The following ZCWPW1 variants were observed in gnomAD, a reference collection of about 807,000 sequenced individuals.
The protein encoded by ZCWPW1 is zinc finger CW-type PWWP domain protein 1.
ZCWPW1 carries 56 observed loss-of-function variants against 81.3 expected under a neutral mutation model. The observed-to-expected ratio is 0.69, with a 90% confidence interval of 0.56 to 0.86. ZCWPW1 has a LOEUF of 0.86. Ranked by LOEUF, ZCWPW1 falls within the 40% of genes least tolerant of loss-of-function variation. ZCWPW1 has a pLI of 0.00. For synonymous variants in ZCWPW1, 250 were observed against 273.7 expected (o/e 0.91, Z 0.86); for missense variants, 650 against 769.8 (o/e 0.84, Z 1.84).
At chr7:100,423,497 T>C (rs1796714324) in intron 2 of ZCWPW1, among the ~76,000 whole-genome samples, 1 of 152,222 alleles carries the variant, frequency 6.6e-6, no homozygotes, top group Non-Finnish European at 1.5e-5. Context: ...ACTGAGGTTT[T>C]GACAGCGTGG....
intron 15 of ZCWPW1, among the ~76,000 whole-genome samples, chr7:100,402,799 A>G (rs1251527171): frequency 6.6e-6 from 1 of 152,224 alleles, no homozygotes; most frequent in East Asian, 1.9e-4. Context: ...AAAGAAGGAA[A>G]TAAAGCTAGG....
intron 2 of ZCWPW1, among the ~76,000 whole-genome samples, chr7:100,420,930 A>T (rs1156306811): frequency 1.3e-5 from 2 of 152,144 alleles, no homozygotes; most frequent in Non-Finnish European, 2.9e-5. Context: ...CAGGCAGATC[A>T]CTTCAGCCCA....
At chr7:100,415,708 A>G (rs1795092820) in intron 8 of ZCWPW1, among the ~76,000 whole-genome samples, 2 of 152,124 alleles carry the variant, frequency 1.3e-5, no homozygotes. Flanking sequence ...ACATTATCTC[A>G]AACTATTACC....
At chr7:100,427,944 C>T (rs546031995) in intron 1 of ZCWPW1, among the ~76,000 whole-genome samples, 1 of 151,782 alleles carries the variant, frequency 6.6e-6, no homozygotes, top group Non-Finnish European at 1.5e-5. Flanking sequence ...CCACTCCTGC[C>T]GAGGCCCCGT....
intron 13 of ZCWPW1, among the ~76,000 whole-genome samples, chr7:100,404,639 C>T (rs1431193575): frequency 1.3e-5 from 2 of 152,102 alleles, no homozygotes; most frequent in East Asian, 3.9e-4. Context: ...GGATTACAGG[C>T]GTGAACCCCC....
rs370734344 is a variant in ZCWPW1 at position 100,412,754 on chromosome 7, T to C, written c.755-3210A>G. 4.6e-3 allele frequency among the ~76,000 whole-genome samples: 696 copies of C among 152,242 alleles called. 6 individuals carry two copies. Among genetic ancestry groups the C allele is most frequent in the African/African-American group, 0.016 (657 of 41,536 alleles). ...CCGCTACCACACCCGGCTAATTTTTTGTATTTTTAGTAGAGACGGGGTTTC... is the reference window on the plus strand; with the variant it reads ...CCGCTACCACACCCGGCTAATTTTTCGTATTTTTAGTAGAGACGGGGTTTC... On this transcript the variant is annotated intron_variant, in intron 8 of 17. Coordinates refer to ENST00000684423, the MANE Select transcript of ZCWPW1 (RefSeq NM_001386010.1).
At chr7:100,404,028 T>TG (rs1446280533) in intron 14 of ZCWPW1, 150 bp downstream of exon 14, 2 of 866,130 alleles carry the variant, frequency 2.3e-6, no homozygotes, top group Non-Finnish European at 3.6e-6. Flanking sequence ...TCCTAGATAC[T>TG]GGGTCAATGA....
At chr7:100,428,204 CA>C (rs1451959517) in intron 1 of ZCWPW1, among the ~76,000 whole-genome samples, 1 of 152,216 alleles carries the variant, frequency 6.6e-6, no homozygotes, top group African/African-American at 2.4e-5. Flanking sequence ...CCAGCTGCCG[CA>C]GCGACTCCGC....
rs138935317 is a variant in ZCWPW1, at chr7:100,409,398, A to T, written c.871+30T>A. 1.6e-3 allele frequency: 2,449 copies of T among 1,521,050 alleles called. 33 individuals are homozygous for T. The highest frequency in any genetic ancestry group is 5.8e-3 in the East Asian group (258 of 44,364). The allele number at this position is 1,521,050 out of a possible 1,614,324, so 94.2% of individuals were successfully genotyped here. ...GAAAGAAAGGGAGGAACAATAAAAC[A>T]TGAATGAAAACATTTCCAGTCTTTT... is the stretch of plus-strand genomic sequence containing the variant. On this transcript the variant is annotated intron_variant, in intron 9 of 17. Transcript: ENST00000684423.
intron 2 of ZCWPW1, among the ~76,000 whole-genome samples, chr7:100,423,589 TGCTGTTCTAAA>T (rs1336583590): frequency 2.0e-5 from 3 of 152,200 alleles, no homozygotes; most frequent in African/African-American, 7.2e-5. Flanking sequence ...AATTCAGATG[TGCTGTTCTAAA>T]GCAACGACGT....
intron 3 of ZCWPW1, among the ~76,000 whole-genome samples, 175 bp downstream of exon 3, chr7:100,420,447 G>A (rs1057192717): frequency 2.0e-5 from 3 of 152,088 alleles, no homozygotes; most frequent in Non-Finnish European, 4.4e-5. Context: ...TATGTTCCTC[G>A]AGCAGGACTG....
chr7:100,406,823 C>T (rs1476679), intron 11 of ZCWPW1, 25 bp from the exon 12 acceptor site: 1,150,342 of 1,603,952 alleles, frequency 0.72, 415,635 homozygotes, highest in African/African-American at 0.94. Context: ...GATCCTGTTA[C>T]GGACTCCTGT....
chr7:100,420,742 A>G, intron 2 of ZCWPW1, 64 bp from the exon 3 acceptor site: 1 of 1,525,664 alleles, frequency 6.6e-7, no homozygotes, highest in Non-Finnish European at 9.0e-7. Flanking sequence ...CTTTCTGTCT[A>G]CTTGGGTTCA....
At chr7:100,408,780 C>T (rs925115050) in intron 9 of ZCWPW1, 121 bp from the exon 10 acceptor site, 16 of 1,186,334 alleles carry the variant, frequency 1.3e-5, no homozygotes, top group Non-Finnish European at 1.6e-5. Context: ...ACCAAAGGGG[C>T]ACCTGGGAGA....
chr7:100,424,472 AT>A (rs1163060953), intron 2 of ZCWPW1, among the ~76,000 whole-genome samples: 1 of 151,734 alleles, frequency 6.6e-6, no homozygotes, highest in Non-Finnish European at 1.5e-5. Flanking sequence ...AATTATTATT[AT>A]TTTTTTTGAG....
chr7:100,425,360 G>T (rs1797130490), intron 1 of ZCWPW1, among the ~76,000 whole-genome samples: 1 of 151,988 alleles, frequency 6.6e-6, no homozygotes, highest in South Asian at 2.1e-4. Flanking sequence ...GAATGTAAAA[G>T]AACCAGTACA....
intron 1 of ZCWPW1, among the ~76,000 whole-genome samples, chr7:100,425,385 A>G (rs1324370260): frequency 6.6e-6 from 1 of 152,194 alleles, no homozygotes; most frequent in African/African-American, 2.4e-5. Context: ...CAGAAACCAT[A>G]TTCTCATCAC....
Position 100,408,633 on chromosome 7 carries a change from G to A in ZCWPW1, c.898C>T (p.Pro300Ser). Reference sequence around the variant, plus strand: ...TCAAGCCCTGTCCAGGTCTCCTCAGGAATATCACAGCGATTATACTGCACA... The same window carrying A: ...TCAAGCCCTGTCCAGGTCTCCTCAGAAATATCACAGCGATTATACTGCACA... Reference protein sequence around the residue: ...TDVQYNRCDIPEETWTGLESD... With the variant: ...TDVQYNRCDISEETWTGLESD... The change falls in exon 10 of 18, where the codon CCT becomes TCT. Residue 300 changes from proline to serine, a missense_variant. Pro to Ser is a moderately conservative substitution (Grantham distance 74, BLOSUM62 -1). Transcript: ENST00000684423. 6.2e-7 allele frequency: 1 copy of A among 1,613,878 alleles called. No homozygotes were observed.
chr7:100,404,695 T>C (rs73401469), intron 13 of ZCWPW1, among the ~76,000 whole-genome samples: 5,942 of 152,214 alleles, frequency 0.039, 408 homozygotes, highest in African/African-American at 0.14. Context: ...AAATTACACA[T>C]TAGGCTTATC....
Sources: gnomAD v4.1 joint callset for allele counts (sites outside exome capture counted in the v4.1 genomes callset) on GRCh38, gnomAD v4.1.1 for gene constraint, MANE v1.5 for transcripts, NCBI Gene and HGNC (gene_info 2026-07-23, HGNC 2026-07-21) for gene names.